The following NF1 variants were observed in gnomAD, a reference collection of about 807,000 sequenced individuals.
NF1 encodes neurofibromin.
A neutral mutation model predicts 325.7 loss-of-function variants in NF1; 122 were observed. The ratio of observed to expected loss-of-function variants is 0.37; its 90% CI spans 0.32 to 0.44. NF1 has a LOEUF of 0.44. NF1 is among the 20% of genes least tolerant of loss of function. The probability of loss-of-function intolerance (pLI) is 1.00; values close to 1 mark genes in which losing one functional copy is unlikely to be tolerated. For missense variants in NF1, 2,140 were observed against 3,415.4 expected (o/e 0.63, Z 9.31); for synonymous variants, 1,091 against 1,186.0 (o/e 0.92, Z 1.65).
At chr17:31,215,265 G>C (rs751300040) in intron 13 of NF1, among the ~76,000 whole-genome samples, 1 of 152,108 alleles carries the variant, frequency 6.6e-6, no homozygotes, top group Non-Finnish European at 1.5e-5. Flanking sequence ...ACAGGCATGA[G>C]CCCCCATGCC....
At chr17:31,155,685 A>G (rs1227822995) in intron 1 of NF1, among the ~76,000 whole-genome samples, 1 of 152,204 alleles carries the variant, frequency 6.6e-6, no homozygotes, top group Non-Finnish European at 1.5e-5. Context: ...AAAGAATTCT[A>G]TTTTGTAGAT....
In NF1 at chr17:31,240,398, C is replaced by G. The variant is rs534422618; in HGVS notation, c.3974+4377C>G. ...ACCTTCAGTTCCATCCGTGTTGTTG[C>G]AAATGACAGGAATCTCATGTTTTGT... On this transcript the variant is annotated intron_variant, in intron 29 of 57. Transcript: ENST00000358273. 3.3e-3 allele frequency among the ~76,000 whole-genome samples: 509 copies of G among 152,312 alleles called. 4 individuals are homozygous for G. Among genetic ancestry groups the G allele is most frequent in the African/African-American group, 0.012 (491 of 41,562 alleles).
intron 8 of NF1, among the ~76,000 whole-genome samples, chr17:31,196,157 T>C (rs2066429927): frequency 6.6e-6 from 1 of 152,088 alleles, no homozygotes; most frequent in African/African-American, 2.4e-5. Context: ...TAATTATCTT[T>C]AGTATCCATG....
rs2143915782 is a variant in NF1 at position 31,206,382 on chromosome 17, T to A, written c.1392+11T>A. On this transcript the variant is annotated intron_variant, in intron 12 of 57. Transcript: ENST00000358273. Reference sequence around the variant, plus strand: ...ATACGAATGGCACCGGTAAGATAAATCACGAATTTTGAATCTCACCTCCTT... The same window carrying A: ...ATACGAATGGCACCGGTAAGATAAAACACGAATTTTGAATCTCACCTCCTT... 6.2e-7 allele frequency: 1 copy of A among 1,613,494 alleles called. No homozygotes were observed. The highest frequency in any genetic ancestry group is 8.5e-7 in the Non-Finnish European group (1 of 1,179,512).
intron 49 of NF1, among the ~76,000 whole-genome samples, chr17:31,349,648 A>G (rs1039398842): frequency 1.3e-5 from 2 of 152,180 alleles, no homozygotes; most frequent in Non-Finnish European, 2.9e-5. Context: ...AAGCTAATCT[A>G]CTTGCCATCT....
chr17:31,229,552 A>G, intron 21 of NF1, 87 bp downstream of exon 21: 1 of 1,467,478 alleles, frequency 6.8e-7, no homozygotes, highest in Non-Finnish European at 9.4e-7. Context: ...TATTTAAATT[A>G]GGTACTCACA....
At position 31,330,401 on chromosome 17, in the gene NF1, C is replaced by T. The variant is rs1060503892; in HGVS notation, c.5715C>T (p.Thr1905=). The change falls in exon 39 of 58, where the codon ACC becomes ACT. Residue 1905 remains threonine, a synonymous_variant. Transcript: ENST00000358273. ...TSGLCIPANN[T]LFIVSISKTL... is the part of the protein sequence containing the mutation. ...GTTTATGTATCCCTGCCAACAACAC[C>T]CTCTTTATTGTCTCTATTAGTAAGA... 1.2e-6 allele frequency: 2 copies of T among 1,613,588 alleles called. No individual in the cohort carries two copies. The highest frequency in any genetic ancestry group is 3.3e-5 in the Admixed American group (2 of 59,980).
rs1555615560 is a variant in NF1, at chr17:31,235,996, G to A, written c.3949G>A (p.Val1317Ile). ...IVITSSDWQH[V>I]SFEVDPTRLE... is the part of the protein sequence containing the mutation. The stretch of plus-strand genomic sequence containing the variant: ...GATCACATCCTCTGATTGGCAACAT[G>A]TTAGCTTTGAAGTGGATCCTACCAG... Residue 1317 changes from valine to isoleucine, a missense_variant, in exon 29 of 58, where the codon GTT (valine) becomes ATT (isoleucine). Around this residue, in one of 10 missense-constraint regions of NF1, gnomAD observed 336 missense variants for 399.0 expected, o/e 0.84. Transcript: ENST00000358273. 4 of 1,613,528 alleles carry A rather than the reference G, an allele frequency of 2.5e-6. No homozygotes were observed. The highest frequency in any genetic ancestry group is 1.7e-4 in the Middle Eastern group (1 of 6,058).
intron 36 of NF1, among the ~76,000 whole-genome samples, chr17:31,293,612 A>T (rs1003684283): frequency 1.3e-5 from 2 of 152,210 alleles, no homozygotes; most frequent in African/African-American, 4.8e-5. Context: ...TCTCTCTCTC[A>T]ATAGAAATGT....
At chr17:31,117,695 A>AAAAAAAAAAAAAAAAAAAAC (rs1914065487) in intron 1 of NF1, among the ~76,000 whole-genome samples, 1 of 149,414 alleles carries the variant, frequency 6.7e-6, no homozygotes, top group Admixed American at 6.7e-5. Flanking sequence ...AAAAAAAAAA[A>AAAAAAAAAAAAAAAAAAAAC]AAAAAAAAGG....
intron 1 of NF1, among the ~76,000 whole-genome samples, chr17:31,122,051 T>C (rs576699179): frequency 2.6e-5 from 4 of 152,310 alleles, no homozygotes; most frequent in East Asian, 3.8e-4. Context: ...TTCAGGGAGC[T>C]GTTGAAGAGT....
intron 15 of NF1, 43 bp from the exon 16 acceptor site, chr17:31,223,401 G>A (rs2144014640): frequency 6.2e-7 from 1 of 1,605,004 alleles, no homozygotes; most frequent in Non-Finnish European, 8.5e-7. Context: ...TCTGCATTAG[G>A]TTATTGATGA....
chr17:31,335,408 A>G (rs1438231735), intron 40 of NF1, among the ~76,000 whole-genome samples: 1 of 147,440 alleles, frequency 6.8e-6, no homozygotes, highest in Non-Finnish European at 1.5e-5. Flanking sequence ...CTACATTCCA[A>G]AGGTGTCAGT....
At position 31,232,732 on chromosome 17, in the gene NF1, A is replaced by C. The variant is rs1597719439; in HGVS notation, c.3347A>C (p.Asp1116Ala). Residue 1116 changes from aspartate to alanine, a missense_variant, in exon 26 of 58, where the codon GAC (aspartate) becomes GCC (alanine). By Grantham distance (126) the Asp-to-Ala change is moderately radical. Around this residue, in one of 10 missense-constraint regions of NF1, gnomAD observed 380 missense variants for 639.3 expected, o/e 0.59. Transcript: ENST00000358273. Reference protein sequence around the residue: ...YFTLFMNLLNDCSEVEDESAQ... With the variant: ...YFTLFMNLLNACSEVEDESAQ... ...ACATTATTTATGAACCTTTTGAATG[A>C]CTGCAGTGAAGTTGAAGATGAAAGT... 6.2e-7 allele frequency: 1 copy of C among 1,613,790 alleles called. No homozygotes were observed. The highest frequency in any genetic ancestry group is 8.5e-7 in the Non-Finnish European group (1 of 1,179,962).
At chr17:31,235,333 A>G (rs562553399) in intron 27 of NF1, among the ~76,000 whole-genome samples, 1 of 152,302 alleles carries the variant, frequency 6.6e-6, no homozygotes, top group South Asian at 2.1e-4. Flanking sequence ...TTTGAGCTGA[A>G]TCTTGGAGAT....
intron 2 of NF1, 46 bp from the exon 3 acceptor site, chr17:31,158,964 C>A: frequency 8.6e-7 from 1 of 1,160,868 alleles, no homozygotes; most frequent in Non-Finnish European, 1.3e-6. Flanking sequence ...TGATTGGTAG[C>A]AGAAAGTGAA....
At position 31,304,890 on chromosome 17, in the gene NF1, A is replaced by G. The variant is rs775034504; in HGVS notation, c.4836-20930A>G. 1.3e-5 allele frequency: 21 copies of G among 1,614,050 alleles called. No individual in the cohort carries two copies. The Middle Eastern group carries it at 4.9e-4, about 38-fold the overall frequency. Reference sequence around the variant, plus strand: ...TTTCTCCATCAGCAAATGGAGATCTACCTGCCCAATTTTGATCATTTAAAA... The same window carrying G: ...TTTCTCCATCAGCAAATGGAGATCTGCCTGCCCAATTTTGATCATTTAAAA... On this transcript the variant is annotated intron_variant, in intron 36 of 57. Coordinates refer to ENST00000358273, the MANE Select transcript of NF1 (RefSeq NM_001042492.3).
At chr17:31,106,659 A>G (rs913326870) in intron 1 of NF1, among the ~76,000 whole-genome samples, 1 of 152,164 alleles carries the variant, frequency 6.6e-6, no homozygotes, top group African/African-American at 2.4e-5. Context: ...AATCTTTTCA[A>G]GTTGGTTAGA....
chr17:31,180,938 C>G (rs1395681240), intron 5 of NF1, among the ~76,000 whole-genome samples: 3 of 152,140 alleles, frequency 2.0e-5, no homozygotes, highest in Non-Finnish European at 4.4e-5. Context: ...CACAAGCATT[C>G]CTATACACCA....
Sources: allele counts gnomAD v4.1 joint callset (sites outside exome capture counted in the v4.1 genomes callset), GRCh38; gene constraint gnomAD v4.1.1; regional missense constraint gnomAD v4.1.1; transcripts MANE v1.5; gene names NCBI Gene and HGNC (gene_info 2026-07-23, HGNC 2026-07-21).